Variants in SCAPER observed in about 807,000 individuals in gnomAD.
SCAPER encodes S phase cyclin A-associated protein in the endoplasmic reticulum.
A neutral mutation model predicts 182.2 loss-of-function variants in SCAPER; 98 were observed. The observed-to-expected ratio is 0.54, with a 90% CI of 0.46 to 0.64. The LOEUF (loss-of-function observed/expected upper bound fraction) is 0.64, where lower values mean the gene tolerates loss of function less well. Ranked by LOEUF, SCAPER falls within the 30% of genes least tolerant of loss-of-function variation. The pLI is 0.00. For missense variants in SCAPER, 1,432 were observed against 1,690.0 expected (o/e 0.85, Z 2.68); for synonymous variants, 605 against 564.6 (o/e 1.07, Z -1.01).
At chr15:76,388,411 G>A (rs907951166) in intron 27 of SCAPER, among the ~76,000 whole-genome samples, 5 of 151,506 alleles carry the variant, frequency 3.3e-5, no homozygotes, top group African/African-American at 9.7e-5. Flanking sequence ...AGCTATCATC[G>A]CCTCACTGCA....
chr15:76,490,120 T>G (rs977758915), intron 24 of SCAPER, among the ~76,000 whole-genome samples: 2 of 152,194 alleles, frequency 1.3e-5, no homozygotes, highest in African/African-American at 4.8e-5. Context: ...AGTGGTAATA[T>G]CTCTTTGAGA....
intron 24 of SCAPER, among the ~76,000 whole-genome samples, chr15:76,486,296 T>C (rs576339628): frequency 3.3e-5 from 5 of 152,252 alleles, no homozygotes; most frequent in South Asian, 4.1e-4. Context: ...ATTCAGGGCA[T>C]AGGCATGGGC....
At chr15:76,423,979 G>A (rs904465237) in intron 26 of SCAPER, among the ~76,000 whole-genome samples, 3 of 152,220 alleles carry the variant, frequency 2.0e-5, no homozygotes, top group African/African-American at 7.2e-5. Context: ...ACTGTGGTCT[G>A]AGAGACAGTT....
intron 20 of SCAPER, among the ~76,000 whole-genome samples, chr15:76,701,069 TG>T (rs375955337): frequency 1.4e-3 from 206 of 146,974 alleles, no homozygotes; most frequent in African/African-American, 4.8e-3. Context: ...TTGAGATTTA[TG>T]CTCTTGACTA....
At chr15:76,793,211 A>AC (rs2065111708) in intron 8 of SCAPER, 9 of 1,158,014 alleles carry the variant, frequency 7.8e-6, no homozygotes, top group Non-Finnish European at 1.1e-5. Context: ...TACTGTTATT[A>AC]TATATTACTT....
chr15:76,419,423 A>G (rs979750413), intron 26 of SCAPER, among the ~76,000 whole-genome samples: 1 of 152,148 alleles, frequency 6.6e-6, no homozygotes, highest in African/African-American at 2.4e-5. Context: ...GAACTAAAGA[A>G]CTAATACTAA....
chr15:76,578,345 G>A (rs2145448126), intron 22 of SCAPER, among the ~76,000 whole-genome samples: 1 of 152,284 alleles, frequency 6.6e-6, no homozygotes, highest in African/African-American at 2.4e-5. Flanking sequence ...AGCCCTAGGG[G>A]GACTTGAGCA....
At chr15:76,588,591 A>T (rs1327232808) in intron 22 of SCAPER, among the ~76,000 whole-genome samples, 1 of 152,188 alleles carries the variant, frequency 6.6e-6, no homozygotes, top group East Asian at 1.9e-4. Flanking sequence ...GGCCATTTAC[A>T]TTCAACGTGA....
chr15:76,533,254 A>G (rs1306474445), intron 23 of SCAPER, among the ~76,000 whole-genome samples: 1 of 152,218 alleles, frequency 6.6e-6, no homozygotes, highest in Non-Finnish European at 1.5e-5. Flanking sequence ...AAATACGTCA[A>G]TATTTACATA....
chr15:76,534,458 A>C (rs1220845920), intron 23 of SCAPER, among the ~76,000 whole-genome samples: 1 of 152,226 alleles, frequency 6.6e-6, no homozygotes, highest in East Asian at 1.9e-4. Flanking sequence ...TATGAGAGGC[A>C]AAAGGATTAG....
At chr15:76,372,017 C>T (rs1403259966) in intron 29 of SCAPER, among the ~76,000 whole-genome samples, 1 of 151,912 alleles carries the variant, frequency 6.6e-6, no homozygotes, top group East Asian at 1.9e-4. Context: ...CAGCTTCTTA[C>T]TTCTCTACCT....
At chr15:76,720,953 G>C (rs1480200966) in intron 17 of SCAPER, among the ~76,000 whole-genome samples, 1 of 152,094 alleles carries the variant, frequency 6.6e-6, no homozygotes, top group Non-Finnish European at 1.5e-5. Flanking sequence ...GTCAATTTTG[G>C]CTTTTGTTGC....
chr15:76,660,638 C>CA (rs2056073626), intron 21 of SCAPER, among the ~76,000 whole-genome samples: 1 of 152,106 alleles, frequency 6.6e-6, no homozygotes, highest in Admixed American at 6.6e-5. Flanking sequence ...AAACAAACTA[C>CA]AGTTAACATC....
At chr15:76,442,624 A>G (rs1336337075) in intron 25 of SCAPER, among the ~76,000 whole-genome samples, 4 of 152,234 alleles carry the variant, frequency 2.6e-5, no homozygotes, top group East Asian at 3.8e-4. Context: ...CCCCTTATAC[A>G]TATTTATCCA....
At chr15:76,496,934 C>T (rs536038303) in intron 24 of SCAPER, among the ~76,000 whole-genome samples, 11 of 151,848 alleles carry the variant, frequency 7.2e-5, no homozygotes, top group Non-Finnish European at 1.5e-4. Flanking sequence ...AAAATTTACT[C>T]AAAATATTTT....
chr15:76,526,671 C>T (rs1597203767), intron 23 of SCAPER, among the ~76,000 whole-genome samples: 1 of 151,910 alleles, frequency 6.6e-6, no homozygotes, highest in Non-Finnish European at 1.5e-5. Flanking sequence ...AATTCTACTT[C>T]CAGTCTAGAT....
chr15:76,706,307 G>A (rs1310659570), intron 17 of SCAPER, among the ~76,000 whole-genome samples: 1 of 151,970 alleles, frequency 6.6e-6, no homozygotes, highest in Admixed American at 6.6e-5. Flanking sequence ...CCATTAAAAG[G>A]AATAGAAAAG....
Position 76,804,542 on chromosome 15 carries a change from G to A in SCAPER, c.485C>T (p.Ala162Val). The A allele has an allele frequency of 1.2e-6, 2 of 1,606,988 alleles. No homozygotes were observed. Among genetic ancestry groups the A allele is most frequent in the Non-Finnish European group, 1.7e-6 (2 of 1,175,986 alleles). ...CCAGAGAGCTCATTACCTGCTTTGA[G>A]CATCTGTCTTCTCTAGCTTTTCCTG... is the stretch of plus-strand genomic sequence containing the variant. ...QLQEKLEKTD[A>V]QSRPTSLAWE... is the part of the protein sequence containing the mutation. Residue 162 changes from alanine to valine, a missense_variant, in exon 6 of 32, where the codon GCT becomes GTT. This residue lies in a region of SCAPER where 480 missense variants were observed against 510.2 expected (regional missense o/e 0.94). Transcript: ENST00000563290.
intron 23 of SCAPER, among the ~76,000 whole-genome samples, chr15:76,518,098 G>A (rs1000176876): frequency 6.6e-6 from 1 of 152,178 alleles, no homozygotes; most frequent in Admixed American, 6.5e-5. Flanking sequence ...CACAGCAGGA[G>A]GGAAACAGGC....
Sources: allele counts gnomAD v4.1 joint callset (sites outside exome capture counted in the v4.1 genomes callset), GRCh38; gene constraint gnomAD v4.1.1; regional missense constraint gnomAD v4.1.1; transcripts MANE v1.5; gene names NCBI Gene and HGNC (gene_info 2026-07-23, HGNC 2026-07-21).